Variants in PAPOLA observed in about 807,000 individuals in gnomAD.
PAPOLA encodes the protein poly(A) polymerase alpha.
Under a neutral mutation model 100.6 loss-of-function variants are expected in PAPOLA, and 15 were observed. That is an observed-to-expected ratio of 0.15 (90% CI 0.10 to 0.23). PAPOLA has a LOEUF of 0.23. Ranked by LOEUF, PAPOLA falls within the 10% of genes least tolerant of loss-of-function variation. The probability of loss-of-function intolerance (pLI) is 1.00; values close to 1 mark genes in which losing one functional copy is unlikely to be tolerated. For synonymous variants in PAPOLA, 293 were observed against 300.0 expected (o/e 0.98, Z 0.24); for missense variants, 533 against 884.2 (o/e 0.60, Z 5.04).
chr14:96,559,573 C>CTATATATA (rs1314142161), intron 19 of PAPOLA, among the ~76,000 whole-genome samples: 1 of 116,636 alleles, frequency 8.6e-6, no homozygotes. Flanking sequence ...CTCTCTCTCT[C>CTATATATA]TCTCTCTCTA....
At chr14:96,508,675 A>G (rs1896897535) in intron 1 of PAPOLA, among the ~76,000 whole-genome samples, 1 of 152,182 alleles carries the variant, frequency 6.6e-6, no homozygotes, top group African/African-American at 2.4e-5. Flanking sequence ...CAAGTTTATA[A>G]AGCTAGCTTC....
chr14:96,554,251 C>CT (rs1901102386), intron 17 of PAPOLA, among the ~76,000 whole-genome samples: 1 of 152,226 alleles, frequency 6.6e-6, no homozygotes, highest in South Asian at 2.1e-4. Context: ...TTATTATGTA[C>CT]TAGGCACCTT....
intron 1 of PAPOLA, among the ~76,000 whole-genome samples, chr14:96,518,926 A>G (rs896179050): frequency 3.3e-5 from 5 of 151,794 alleles, no homozygotes; most frequent in African/African-American, 9.7e-5. Flanking sequence ...GTGTGGTGGC[A>G]TGCACCTGTA....
chr14:96,528,022 A>C lies in PAPOLA; in HGVS notation c.495+16A>C, dbSNP rs781735927. 8.9e-5 allele frequency: 139 copies of C among 1,556,850 alleles called. No individual in the cohort carries two copies. Among genetic ancestry groups the C allele is most frequent in the Admixed American group, 1.5e-4 (9 of 59,902 alleles). On this transcript the variant is annotated intron_variant, in intron 6 of 21. Transcript: ENST00000216277. ...TGGGATAGAGGTAAGGTATAGTTCAAATTGACAGTTCTTGCTATGTGCTGT... is the reference window on the plus strand; with the variant it reads ...TGGGATAGAGGTAAGGTATAGTTCACATTGACAGTTCTTGCTATGTGCTGT...
rs373881128 is a variant in PAPOLA, at chr14:96,552,583, C to T, written c.1625C>T (p.Thr542Met). The T allele has an allele frequency of 6.1e-5, 99 of 1,613,972 alleles. 2 individuals are homozygous for T. The South Asian group carries it at 8.0e-4, about 13-fold the overall frequency. The change falls in exon 17 of 22, where the codon ACG (threonine) becomes ATG (methionine). Residue 542 changes from threonine to methionine, a missense_variant. By Grantham distance (81) the Thr-to-Met change is moderately conservative. This residue lies in a region of PAPOLA where 242 missense variants were observed against 281.0 expected (regional missense o/e 0.86). Coordinates refer to ENST00000216277, the MANE Select transcript of PAPOLA (RefSeq NM_032632.5). ...TCTGTGCCTTCACCTACTAGTGCTA[C>T]GAAGACCAGTCCATTGAACAGTTCT... ...SMSVPSPTSA[T>M]KTSPLNSSGS... is the part of the protein sequence containing the mutation.
chr14:96,559,828 C>A (rs1292706206), intron 19 of PAPOLA, among the ~76,000 whole-genome samples: 2 of 151,740 alleles, frequency 1.3e-5, no homozygotes, highest in Non-Finnish European at 2.9e-5. Flanking sequence ...AAAAACATTT[C>A]TTTGTATATC....
Position 96,565,687 on chromosome 14 carries a change from T to C in PAPOLA, c.*637T>C, listed in dbSNP as rs371598117. 22 of 397,652 alleles carry C rather than the reference T, an allele frequency of 5.5e-5. No homozygotes were observed. The highest frequency in any genetic ancestry group is 4.3e-4 in the African/African-American group (21 of 48,680). The allele number at this position is 397,652 out of a possible 1,614,324, so 24.6% of individuals were successfully genotyped here. A position where few individuals can be genotyped will look rare whatever the true frequency, so the allele number is the denominator to read the frequency against. ...AGGAAATAACTTGGTTTTGATAGGG[T>C]CATGATTAAGAAATGATATATTGGT... is the stretch of plus-strand genomic sequence containing the variant. On this transcript the variant is annotated 3_prime_UTR_variant, in exon 22 of 22. Transcript: ENST00000216277.
intron 9 of PAPOLA, chr14:96,533,505 C>T: frequency 1.1e-6 from 1 of 932,724 alleles, no homozygotes. Context: ...TTTAGTAGCA[C>T]TTATAATCAG....
At chr14:96,536,315 A>C (rs1899523412) in intron 11 of PAPOLA, among the ~76,000 whole-genome samples, 1 of 152,156 alleles carries the variant, frequency 6.6e-6, no homozygotes, top group African/African-American at 2.4e-5. Flanking sequence ...GATGTTTAGC[A>C]GGCTGTATAC....
chr14:96,527,718 T>A, intron 5 of PAPOLA, 179 bp downstream of exon 5: 1 of 610,992 alleles, frequency 1.6e-6, no homozygotes, highest in Non-Finnish European at 2.9e-6. Context: ...ATAAACTCAT[T>A]TACAGATTAG....
intron 12 of PAPOLA, among the ~76,000 whole-genome samples, chr14:96,538,480 C>T (rs1477321033): frequency 6.6e-6 from 1 of 151,818 alleles, no homozygotes; most frequent in Non-Finnish European, 1.5e-5. Flanking sequence ...CTGGATAGTA[C>T]CTGTAAGTTC....
At chr14:96,536,353 G>A (rs1899526850) in intron 11 of PAPOLA, among the ~76,000 whole-genome samples, 1 of 152,068 alleles carries the variant, frequency 6.6e-6, no homozygotes, top group African/African-American at 2.4e-5. Flanking sequence ...GAGCAGGAAT[G>A]GGGCCAAACC....
chr14:96,554,577 G>T (rs558575164), intron 17 of PAPOLA, among the ~76,000 whole-genome samples: 3 of 152,278 alleles, frequency 2.0e-5, no homozygotes, highest in African/African-American at 7.2e-5. Flanking sequence ...CAGTTTCAGA[G>T]TGTGGGTGAT....
intron 1 of PAPOLA, among the ~76,000 whole-genome samples, chr14:96,510,471 A>C (rs1595497047): frequency 2.4e-5 from 2 of 84,672 alleles, no homozygotes; most frequent in East Asian, 5.1e-4. Flanking sequence ...GAGGGACACA[A>C]CACACACGCG....
At chr14:96,512,793 T>A (rs980922042) in intron 1 of PAPOLA, among the ~76,000 whole-genome samples, 1 of 152,240 alleles carries the variant, frequency 6.6e-6, no homozygotes, top group African/African-American at 2.4e-5. Flanking sequence ...CATTGCATAC[T>A]CTGCTCAGTG....
chr14:96,550,851 A>C (rs1425889844), intron 16 of PAPOLA, among the ~76,000 whole-genome samples: 1 of 152,198 alleles, frequency 6.6e-6, no homozygotes, highest in Non-Finnish European at 1.5e-5. Context: ...GGACTCTTAT[A>C]AATAGCTTCC....
At chr14:96,533,093 C>T in intron 9 of PAPOLA, 2 of 978,156 alleles carry the variant, frequency 2.0e-6, no homozygotes, top group Non-Finnish European at 1.2e-6. Flanking sequence ...TACGAATTTT[C>T]ATAAGAAGCT....
intron 3 of PAPOLA, among the ~76,000 whole-genome samples, chr14:96,524,767 G>A (rs1246615415): frequency 1.3e-5 from 2 of 152,140 alleles, no homozygotes; most frequent in Non-Finnish European, 2.9e-5. Context: ...CAATTGGCCC[G>A]TCTCACCCTC....
chr14:96,520,948 T>C, intron 2 of PAPOLA, 58 bp from the exon 3 acceptor site: 3 of 849,466 alleles, frequency 3.5e-6, no homozygotes, highest in Non-Finnish European at 6.0e-6. Context: ...TTTAAAACTT[T>C]AAGAAATTTA....
Sources: gnomAD v4.1 joint callset for allele counts (sites outside exome capture counted in the v4.1 genomes callset) on GRCh38, gnomAD v4.1.1 for gene constraint, gnomAD v4.1.1 regional missense constraint, MANE v1.5 for transcripts, NCBI Gene and HGNC (gene_info 2026-07-23, HGNC 2026-07-21) for gene names.